PRKCI: variants seen among roughly 807,000 people sequenced by gnomAD.
PRKCI encodes the protein protein kinase C iota type.
In PRKCI, 43 loss-of-function variants were observed where a neutral mutation model predicts 84.0. That is an observed-to-expected ratio of 0.51 (90% CI 0.40 to 0.66). PRKCI has a LOEUF of 0.66. PRKCI is among the 30% of genes least tolerant of loss of function. The pLI is 0.00. For synonymous variants in PRKCI, 216 were observed against 234.4 expected (o/e 0.92, Z 0.72); for missense variants, 459 against 745.6 (o/e 0.62, Z 4.48).
chr3:170,239,169 T>C (rs1465551297), intron 2 of PRKCI, among the ~76,000 whole-genome samples: 1 of 152,240 alleles, frequency 6.6e-6, no homozygotes. Flanking sequence ...TAGATATGAA[T>C]CATAAACATT....
intron 1 of PRKCI, among the ~76,000 whole-genome samples, chr3:170,232,589 C>CA (rs1732831302): frequency 6.6e-6 from 1 of 151,370 alleles, no homozygotes; most frequent in Non-Finnish European, 1.5e-5. Context: ...TTTTTAGAGA[C>CA]AGAGTCTTGC....
At position 170,284,444 on chromosome 3, in the gene PRKCI, T is replaced by G; in HGVS notation, c.1068-17T>G. 2.0e-6 allele frequency: 3 copies of G among 1,530,090 alleles called. No homozygotes were observed. Among genetic ancestry groups the G allele is most frequent in the Non-Finnish European group, 2.7e-6 (3 of 1,120,860 alleles). 94.8% of individuals were successfully genotyped at this position (1,530,090 alleles called of 1,614,324 possible). On this transcript the variant is annotated splice_polypyrimidine_tract_variant and intron_variant, in intron 11 of 17. Transcript: ENST00000295797. ...AATATGGTTGAATCAAATGACTTAT[T>G]TTTTATTTAATTTTAGATTTTACTC...
chr3:170,278,500 A>G (rs910482307), intron 8 of PRKCI, among the ~76,000 whole-genome samples: 1 of 152,176 alleles, frequency 6.6e-6, no homozygotes, highest in Non-Finnish European at 1.5e-5. Context: ...CAAAAAATAA[A>G]TAAAAATTAG....
intron 2 of PRKCI, among the ~76,000 whole-genome samples, chr3:170,241,935 C>G (rs1361594937): frequency 6.6e-6 from 1 of 151,810 alleles, no homozygotes; most frequent in African/African-American, 2.4e-5. Context: ...CATGGAGAAA[C>G]CCTGTCTCTA....
At chr3:170,297,189 C>A in intron 15 of PRKCI, 115 bp from the exon 16 acceptor site, 1 of 786,428 alleles carries the variant, frequency 1.3e-6, no homozygotes, top group Non-Finnish European at 2.1e-6. Flanking sequence ...AAAGGTAGAC[C>A]ATTCCAACTT....
intron 1 of PRKCI, among the ~76,000 whole-genome samples, chr3:170,223,444 T>A (rs944327471): frequency 1.3e-5 from 2 of 152,188 alleles, no homozygotes; most frequent in Admixed American, 6.5e-5. Context: ...GACTACCCGA[T>A]AGGGTGAGAT....
intron 2 of PRKCI, among the ~76,000 whole-genome samples, chr3:170,239,448 C>A (rs1345472138): frequency 6.6e-6 from 1 of 152,138 alleles, no homozygotes. Flanking sequence ...TCATTTCATA[C>A]CATTTATTTG....
At chr3:170,228,602 A>AAT (rs549146564) in intron 1 of PRKCI, among the ~76,000 whole-genome samples, 245 of 130,634 alleles carry the variant, frequency 1.9e-3, no homozygotes, top group East Asian at 4.3e-3. Context: ...CACACACACA[A>AAT]ATATATATAT....
At chr3:170,242,376 G>C (rs1266877909) in intron 2 of PRKCI, among the ~76,000 whole-genome samples, 1 of 151,980 alleles carries the variant, frequency 6.6e-6, no homozygotes, top group Non-Finnish European at 1.5e-5. Flanking sequence ...AGGAGGTTGA[G>C]GCTGCAGTGA....
chr3:170,276,871 A>G lies in PRKCI; in HGVS notation c.705+1584A>G, dbSNP rs567690061. 2.6e-5 allele frequency among the ~76,000 whole-genome samples: 4 copies of G among 152,242 alleles called. No homozygotes were observed. In the East Asian group the frequency reaches 7.7e-4, roughly 29 times the overall value. On this transcript the variant is annotated intron_variant, in intron 8 of 17. Coordinates refer to ENST00000295797, the MANE Select transcript of PRKCI (RefSeq NM_002740.6). The stretch of plus-strand genomic sequence containing the variant: ...ACCTAAAGAATGGGAGAAAATAGTC[A>G]CAAACTATACATCCAACAAAGATCT...
At position 170,299,048 on chromosome 3, in the gene PRKCI, T is replaced by C; in HGVS notation, c.1641T>C (p.Phe547=). ...TTAAACCAAATATTTCTGGGGAATT[T>C]GGTTTGGACAACTTTGATTCTCAGT... is the stretch of plus-strand genomic sequence containing the variant. ...PPFKPNISGE[F]GLDNFDSQFT... is the part of the protein sequence containing the mutation. The change falls in exon 17 of 18, where the codon TTT becomes TTC. Residue 547 remains phenylalanine (F), a synonymous_variant. Coordinates refer to ENST00000295797, the MANE Select transcript of PRKCI (RefSeq NM_002740.6). 1 of 1,613,684 alleles carries C rather than the reference T, an allele frequency of 6.2e-7. No homozygotes were observed. The highest frequency in any genetic ancestry group is 8.5e-7 in the Non-Finnish European group (1 of 1,179,868).
chr3:170,304,114 G>A lies in PRKCI; in HGVS notation c.*987G>A, dbSNP rs1348435276. On this transcript the variant is annotated 3_prime_UTR_variant, in exon 18 of 18. Coordinates refer to ENST00000295797, the MANE Select transcript of PRKCI (RefSeq NM_002740.6). Reference sequence around the variant, plus strand: ...TTTTTCTTTTTAAGTATATTAACAGGGTAGCTCCTGAGCCTTTCCCTTTAT... The same window carrying A: ...TTTTTCTTTTTAAGTATATTAACAGAGTAGCTCCTGAGCCTTTCCCTTTAT... 1.3e-5 allele frequency: 2 copies of A among 152,128 alleles called. No individual in the cohort carries two copies. The highest frequency in any genetic ancestry group is 2.9e-5 in the Non-Finnish European group (2 of 68,036). 9.4% of individuals were successfully genotyped at this position (152,128 alleles called of 1,614,324 possible).
Position 170,275,283 on chromosome 3 carries a change from A to C in PRKCI, c.701A>C (p.Lys234Thr), listed in dbSNP as rs772250699. ...AGTTTGGATCAAGTTGGTGAAGAAAAAGAGGTAAGATAATTTGTCTTATTG... is the reference window on the plus strand; with the variant it reads ...AGTTTGGATCAAGTTGGTGAAGAAACAGAGGTAAGATAATTTGTCTTATTG... ...HESLDQVGEE[K>T]EAMNTRESGK... The change falls in exon 8 of 18, where the codon AAA (lysine) becomes ACA (threonine). Residue 234 changes from lysine to threonine, a missense_variant. This residue lies in a region of PRKCI where 250 missense variants were observed against 319.7 expected (regional missense o/e 0.78). Transcript: ENST00000295797. 1 of 1,599,870 alleles carries C rather than the reference A, an allele frequency of 6.3e-7. No individual in the cohort carries two copies. Among genetic ancestry groups the C allele is most frequent in the Admixed American group, 1.7e-5 (1 of 57,940 alleles).
chr3:170,226,276 A>G (rs541076321), intron 1 of PRKCI, among the ~76,000 whole-genome samples: 1 of 152,266 alleles, frequency 6.6e-6, no homozygotes, highest in Non-Finnish European at 1.5e-5. Flanking sequence ...ATTGGACACC[A>G]CATCTTACTT....
chr3:170,272,956 C>G (rs942952931), intron 6 of PRKCI, among the ~76,000 whole-genome samples: 4 of 152,148 alleles, frequency 2.6e-5, no homozygotes, highest in African/African-American at 9.7e-5. Flanking sequence ...ATTCCAGAAA[C>G]TTATTTTTGC....
chr3:170,241,235 T>C (rs1445648648), intron 2 of PRKCI, among the ~76,000 whole-genome samples: 2 of 152,188 alleles, frequency 1.3e-5, no homozygotes, highest in African/African-American at 4.8e-5. Flanking sequence ...AAATACACAA[T>C]ACATTATTAT....
intron 12 of PRKCI, 77 bp downstream of exon 12, chr3:170,284,673 A>T: frequency 7.0e-7 from 1 of 1,424,716 alleles, no homozygotes; most frequent in Non-Finnish European, 9.6e-7. Flanking sequence ...ATGTTTAAAG[A>T]TGAGGAAATG....
intron 16 of PRKCI, among the ~76,000 whole-genome samples, chr3:170,298,402 A>ATTTTTTTT (rs1207108049): frequency 7.7e-6 from 1 of 129,604 alleles, no homozygotes. Context: ...CTAATTTTCA[A>ATTTTTTTT]TTTTTTTTTT....
chr3:170,257,325 G>T (rs1733608015), intron 2 of PRKCI, among the ~76,000 whole-genome samples: 1 of 152,156 alleles, frequency 6.6e-6, no homozygotes, highest in Non-Finnish European at 1.5e-5. Context: ...GGACTGAAAA[G>T]ATGTCATAGG....
Sources: allele counts gnomAD v4.1 joint callset (sites outside exome capture counted in the v4.1 genomes callset), GRCh38; gene constraint gnomAD v4.1.1; regional missense constraint gnomAD v4.1.1; transcripts MANE v1.5; gene names NCBI Gene and HGNC (gene_info 2026-07-23, HGNC 2026-07-21).